Variants in DNAH1 observed in about 807,000 individuals in gnomAD.
DNAH1 encodes the protein axonemal beta dynein heavy chain 1.
A neutral mutation model predicts 484.3 loss-of-function variants in DNAH1; 327 were observed. The observed-to-expected ratio is 0.68, with a 90% confidence interval of 0.62 to 0.74. The LOEUF (loss-of-function observed/expected upper bound fraction) is 0.74. Ranked by LOEUF, DNAH1 falls within the 30% of genes least tolerant of loss-of-function variation. The pLI, the probability that DNAH1 is intolerant of heterozygous loss-of-function variation, is 0.00. For synonymous variants in DNAH1, 2,192 were observed against 2,191.9 expected (o/e 1.00, Z 0.00); for missense variants, 5,052 against 5,546.8 (o/e 0.91, Z 2.83).
At position 52,396,397 on chromosome 3, in the gene DNAH1, C is replaced by A. The variant is rs765642731; in HGVS notation, c.11289C>A (p.Thr3763=). Residue 3763 remains threonine, a synonymous_variant, in exon 71 of 78, where the codon ACC becomes ACA. Coordinates refer to ENST00000420323, the MANE Select transcript of DNAH1 (RefSeq NM_015512.5). The part of the protein sequence containing the change: ...KVHRDFRLWL[T]SLPSNKFPVS... Reference sequence around the variant, plus strand: ...ACAGGGACTTCCGCCTCTGGCTCACCAGCCTGCCCAGCAACAAGTTCCCAG... The same window carrying A: ...ACAGGGACTTCCGCCTCTGGCTCACAAGCCTGCCCAGCAACAAGTTCCCAG... 16 of 1,585,722 alleles carry A rather than the reference C, an allele frequency of 1.0e-5. No homozygotes were observed. The highest frequency in any genetic ancestry group is 1.3e-5 in the Non-Finnish European group (15 of 1,166,570).
chr3:52,332,153 C>A lies in DNAH1; in HGVS notation c.1045C>A (p.Leu349Ile). Residue 349 changes from leucine (L) to isoleucine (I), a missense_variant, in exon 8 of 78, where the codon CTT (leucine) becomes ATT (isoleucine). By Grantham distance (5) the Leu-to-Ile change is conservative. Around this residue, in one of 4 missense-constraint regions of DNAH1, gnomAD observed 1,263 missense variants for 1,218.8 expected, o/e 1.04. Coordinates refer to ENST00000420323, the MANE Select transcript of DNAH1 (RefSeq NM_015512.5). ...AGVTTEGRPP[L>I]QVCQYWVPRI... ...CACCCGGCCCCCAGGAAGGCCACCC[C>A]TTCAGGTCTGTCAGTACTGGGTGCC... 1 of 1,562,154 alleles carries A rather than the reference C, an allele frequency of 6.4e-7. No homozygotes were observed. Among genetic ancestry groups the A allele is most frequent in the East Asian group, 2.4e-5 (1 of 41,768 alleles).
rs777520631 is a variant in DNAH1, at chr3:52,384,955, G to A, written c.8492G>A (p.Arg2831His). 6.8e-6 allele frequency: 11 copies of A among 1,613,166 alleles called. No homozygotes were observed. Among genetic ancestry groups the A allele is most frequent in the South Asian group, 2.2e-5 (2 of 90,974 alleles). ...CTGGAGCTGAAAACTGCCAAGAACC[G>A]CATGAAGAGCGGCCTCGACAAGGTG... ...KKLELKTAKNRMKSGLDKLLR... is the reference protein window; with the variant it reads ...KKLELKTAKNHMKSGLDKLLR... The change falls in exon 53 of 78, where the codon CGC (arginine) becomes CAC (histidine). Residue 2831 changes from arginine to histidine, a missense_variant. Coordinates refer to ENST00000420323, the MANE Select transcript of DNAH1 (RefSeq NM_015512.5).
Position 52,353,410 on chromosome 3 carries a change from C to T in DNAH1, c.3257C>T (p.Ala1086Val), listed in dbSNP as rs762346571. Residue 1086 changes from alanine (A) to valine (V), a missense_variant, in exon 20 of 78, where the codon GCC (alanine) becomes GTC (valine). Coordinates refer to ENST00000420323, the MANE Select transcript of DNAH1 (RefSeq NM_015512.5). This position sits in a 1 kb window ranked among gnomAD's most constrained non-coding sequence, Gnocchi z 5.0. ...CAGGAAGTGGCCTTGGACATCCGGG[C>T]CCGCATCGAGGAGTTCAAACCATAC... Reference protein sequence around the residue: ...ACQEVALDIRARIEEFKPYIP... With the variant: ...ACQEVALDIRVRIEEFKPYIP... 2 of 1,613,116 alleles carry T rather than the reference C, an allele frequency of 1.2e-6. No homozygotes were observed. The highest frequency in any genetic ancestry group is 1.7e-6 in the Non-Finnish European group (2 of 1,179,356).
intron 66 of DNAH1, 81 bp from the exon 67 acceptor site, chr3:52,394,380 TAGAG>T: frequency 7.4e-7 from 1 of 1,343,960 alleles, no homozygotes; most frequent in Admixed American, 2.0e-5. Flanking sequence ...TGAGGGTGGT[TAGAG>T]AGGCACTACT....
At chr3:52,374,011 A>G (rs1703472916) in intron 44 of DNAH1, 7 of 1,057,150 alleles carry the variant, frequency 6.6e-6, no homozygotes, top group Admixed American at 3.6e-5. Flanking sequence ...CAGATTTCCA[A>G]TCTAATATAG....
Position 52,382,409 on chromosome 3 carries a change from C to T in DNAH1, c.7895C>T (p.Ala2632Val), listed in dbSNP as rs375966748. ...GATGTGAAGAAGGTCCTGCTCAAGG[C>T]GGGCCTACAGAACCTACCCATCACC... ...RDDVKKVLLKAGLQNLPITFL... is the reference protein window; with the variant it reads ...RDDVKKVLLKVGLQNLPITFL... Residue 2632 changes from alanine to valine, a missense_variant, in exon 50 of 78, where the codon GCG (alanine) becomes GTG (valine). Coordinates refer to ENST00000420323, the MANE Select transcript of DNAH1 (RefSeq NM_015512.5). 2.5e-6 allele frequency: 4 copies of T among 1,613,998 alleles called. No homozygotes were observed. The highest frequency in any genetic ancestry group is 2.5e-6 in the Non-Finnish European group (3 of 1,179,880).
rs1319903720 is a variant in DNAH1 at position 52,327,944 on chromosome 3, G to A, written c.801G>A (p.Glu267=). The change falls in exon 6 of 78, where the codon GAG becomes GAA. Residue 267 remains glutamate, a synonymous_variant. Transcript: ENST00000420323. ...GAGAGTGGATCAACATGGGCTTGGA[G>A]CCAGGGTCTCTGGACAGGAAACCTG... ...TPREWINMGL[E]PGSLDRKPVP... 1.9e-6 allele frequency: 3 copies of A among 1,613,890 alleles called. No homozygotes were observed. The highest frequency in any genetic ancestry group is 3.3e-5 in the Admixed American group (2 of 60,012).
chr3:52,398,911 G>T lies in DNAH1; in HGVS notation c.12151G>T (p.Gly4051Trp), dbSNP rs2153225875. 6.2e-7 allele frequency: 1 copy of T among 1,608,206 alleles called. No homozygotes were observed. Among genetic ancestry groups the T allele is most frequent in the Non-Finnish European group, 8.5e-7 (1 of 1,176,320 alleles). The part of the protein sequence containing the change: ...TLQDLLKALK[G>W]LVVMSSQLEL... ...GCAAGACCTACTCAAGGCACTCAAG[G>T]GGCTGGTAGTGATGTCCTCTCAGCT... The change falls in exon 76 of 78, where the codon GGG (glycine) becomes TGG (tryptophan). Residue 4051 changes from glycine (G) to tryptophan (W), a missense_variant. This residue lies in a region of DNAH1 where 853 missense variants were observed against 899.0 expected (regional missense o/e 0.95). Transcript: ENST00000420323.
At chr3:52,369,045 A>C in intron 37 of DNAH1, 127 bp downstream of exon 37, 1 of 1,096,408 alleles carries the variant, frequency 9.1e-7, no homozygotes, top group Non-Finnish European at 1.3e-6. Context: ...TCAGGCTGTC[A>C]CCCTGACTCA....
chr3:52,398,501 G>C (rs529383504), intron 75 of DNAH1, among the ~76,000 whole-genome samples: 12 of 152,284 alleles, frequency 7.9e-5, no homozygotes, highest in Middle Eastern at 3.4e-3. Flanking sequence ...TGTTGGCCAG[G>C]ATGGTCTCGA....
In DNAH1 at chr3:52,349,969, G is replaced by A. The variant is rs1326663785; in HGVS notation, c.2527-20G>A. 3 of 1,593,514 alleles carry A rather than the reference G, an allele frequency of 1.9e-6. No individual in the cohort carries two copies. Among genetic ancestry groups the A allele is most frequent in the Non-Finnish European group, 2.6e-6 (3 of 1,170,528 alleles). On this transcript the variant is annotated intron_variant, in intron 14 of 77. Coordinates refer to ENST00000420323, the MANE Select transcript of DNAH1 (RefSeq NM_015512.5). Reference sequence around the variant, plus strand: ...AGGGAGCAGCATGCTGCCCTCCCCAGCGCCTCCTCCCACTGCCAGATCTGC... The same window carrying A: ...AGGGAGCAGCATGCTGCCCTCCCCAACGCCTCCTCCCACTGCCAGATCTGC...
intron 8 of DNAH1, among the ~76,000 whole-genome samples, chr3:52,332,852 T>TC (rs1349782302): frequency 6.6e-6 from 1 of 152,180 alleles, no homozygotes; most frequent in Non-Finnish European, 1.5e-5. Flanking sequence ...AACCAGCTGT[T>TC]TCTCCAAGGA....
chr3:52,369,034 C>G (rs1457509491), intron 37 of DNAH1, 116 bp downstream of exon 37: 1 of 1,198,852 alleles, frequency 8.3e-7, no homozygotes, highest in Non-Finnish European at 1.2e-6. Context: ...ATGGGTCCAT[C>G]TCAGGCTGTC....
Position 52,347,966 on chromosome 3 carries a change from C to G in DNAH1, c.2098C>G (p.Leu700Val). 6.2e-7 allele frequency: 1 copy of G among 1,608,798 alleles called. No homozygotes were observed. ...GILATHAVPQ[L>V]EKLVMEDIFI... Reference sequence around the variant, plus strand: ...CCTGGCCACCCATGCCGTGCCCCAGCTGGAGAAGGTACGTGCTGCAGCCTG... The same window carrying G: ...CCTGGCCACCCATGCCGTGCCCCAGGTGGAGAAGGTACGTGCTGCAGCCTG... The change falls in exon 12 of 78, where the codon CTG becomes GTG. Residue 700 changes from leucine to valine, a missense_variant. Leu to Val is a conservative substitution (Grantham distance 32, BLOSUM62 1). This residue lies in a region of DNAH1 where 1,263 missense variants were observed against 1,218.8 expected (regional missense o/e 1.04). Transcript: ENST00000420323.
intron 54 of DNAH1, among the ~76,000 whole-genome samples, chr3:52,385,826 CAG>C (rs1704079813): frequency 6.6e-6 from 1 of 152,216 alleles, no homozygotes; most frequent in South Asian, 2.1e-4. Flanking sequence ...TCGGCAAAGT[CAG>C]TGCATTGCAA....
At position 52,398,831 on chromosome 3, in the gene DNAH1, C is replaced by T. The variant is rs759814454; in HGVS notation, c.12090-19C>T. 5.2e-5 allele frequency: 79 copies of T among 1,508,614 alleles called. No homozygotes were observed. The highest frequency in any genetic ancestry group is 6.6e-5 in the Non-Finnish European group (74 of 1,125,358). 93.5% of individuals were successfully genotyped at this position (1,508,614 alleles called of 1,614,324 possible). On this transcript the variant is annotated intron_variant, in intron 75 of 77. Coordinates refer to ENST00000420323, the MANE Select transcript of DNAH1 (RefSeq NM_015512.5). ...GTGACCCCAGCCCACTACCTATTCT[C>T]TTGCCACTGGCCTCACAGGTACAAT...
chr3:52,347,177 G>A (rs574010855), intron 11 of DNAH1, among the ~76,000 whole-genome samples: 2 of 149,894 alleles, frequency 1.3e-5, no homozygotes, highest in African/African-American at 4.8e-5. Flanking sequence ...TGGCATCTGT[G>A]CCAAGACCTG....
chr3:52,335,930 G>A (rs1456715051), intron 8 of DNAH1, among the ~76,000 whole-genome samples: 69 of 152,228 alleles, frequency 4.5e-4, no homozygotes, highest in South Asian at 4.1e-4. Flanking sequence ...CACCGCACCC[G>A]GCCCCTTTTT....
intron 32 of DNAH1, among the ~76,000 whole-genome samples, chr3:52,363,493 T>TG (rs1172650714): frequency 6.6e-6 from 1 of 152,166 alleles, no homozygotes. Context: ...CTGGGCCTTG[T>TG]GGGGACCAGA....
Sources: gnomAD v4.1 joint callset for allele counts (sites outside exome capture counted in the v4.1 genomes callset) on GRCh38, gnomAD v4.1.1 for gene constraint, gnomAD v4.1.1 regional missense constraint, Gnocchi (gnomAD v3.1) non-coding constraint, MANE v1.5 for transcripts, NCBI Gene and HGNC (gene_info 2026-07-23, HGNC 2026-07-21) for gene names.